Variants in CCDC89 observed in about 807,000 individuals in gnomAD.
The protein encoded by CCDC89 is coiled-coil domain containing 89.
A neutral mutation model predicts 29.3 loss-of-function variants in CCDC89; 28 were observed. That is an observed-to-expected ratio of 0.96 (90% CI 0.71 to 1.31). The LOEUF (loss-of-function observed/expected upper bound fraction) is 1.31. Ranked by LOEUF, CCDC89 falls within the 50% of genes most tolerant of loss-of-function variation. The probability of loss-of-function intolerance (pLI) is 0.00; values close to 1 mark genes in which losing one functional copy is unlikely to be tolerated. For synonymous variants in CCDC89, 191 were observed against 179.7 expected, an observed-to-expected ratio of 1.06 and a Z score of -0.51; for missense variants, 484 against 442.3, an observed-to-expected ratio of 1.09 and a Z score of -0.85.
chr11:85,685,255 C>A lies in CCDC89; in HGVS notation c.876G>T (p.Glu292Asp). ...RGKVLQNKQA[E>D]ICQLEEKLEI... ...CCAACTTTTCCTCAAGCTGGCAGAT[C>A]TCTGCCTGTTTGTTCTGAAGCACTT... is the stretch of plus-strand genomic sequence containing the variant. The change falls in exon 1 of 1, where the codon GAG becomes GAT. Residue 292 changes from glutamate to aspartate, a missense_variant. Glu to Asp is a conservative substitution (Grantham distance 45). Transcript: ENST00000316398. 1 of 1,612,228 alleles carries A rather than the reference C, an allele frequency of 6.2e-7. No individual in the cohort carries two copies. Among genetic ancestry groups the A allele is most frequent in the Non-Finnish European group, 8.5e-7 (1 of 1,180,038 alleles).
chr11:85,684,141 C>T lies in CCDC89; in HGVS notation c.*865G>A, dbSNP rs563290795. Reference sequence around the variant, plus strand: ...AAAATGCTGCAAGCATACATACACACGTTCAGCTTAGATTTTTTTAAAAAA... The same window carrying T: ...AAAATGCTGCAAGCATACATACACATGTTCAGCTTAGATTTTTTTAAAAAA... On this transcript the variant is annotated 3_prime_UTR_variant, in exon 1 of 1. Coordinates refer to ENST00000316398, the MANE Select transcript of CCDC89 (RefSeq NM_152723.3). 2.5e-4 allele frequency among the ~76,000 whole-genome samples: 38 copies of T among 152,116 alleles called. No individual in the cohort carries two copies. The South Asian group carries it at 6.6e-3, about 27-fold the overall frequency.
Position 85,684,793 on chromosome 11 carries a change from A to T in CCDC89, c.*213T>A, listed in dbSNP as rs779998212. The T allele has an allele frequency of 1.8e-6, 1 of 551,098 alleles. No individual in the cohort carries two copies. The highest frequency in any genetic ancestry group is 3.1e-6 in the Non-Finnish European group (1 of 326,950). 34.1% of individuals were successfully genotyped at this position (551,098 alleles called of 1,614,324 possible). ...TTAAGATTTCTAAGGCACAGAAGGAAATCTGGCAAATCTTGTGTATTCTAG... is the reference window on the plus strand; with the variant it reads ...TTAAGATTTCTAAGGCACAGAAGGATATCTGGCAAATCTTGTGTATTCTAG... On this transcript the variant is annotated 3_prime_UTR_variant, in exon 1 of 1. Coordinates refer to ENST00000316398, the MANE Select transcript of CCDC89 (RefSeq NM_152723.3).
rs763583957 is a variant in CCDC89 at position 85,685,974 on chromosome 11, G to T, written c.157C>A (p.Arg53=). ...DGLREALANL[R]GLSEEERSEK... ...CTCCTCTCCTCCTCTGACAGTCCCC[G>T]GAGGTTTGCCAAGGCTTCCCTCAGA... is the stretch of plus-strand genomic sequence containing the variant. Residue 53 remains arginine, a synonymous_variant, in exon 1 of 1, where the codon CGG becomes AGG. Coordinates refer to ENST00000316398, the MANE Select transcript of CCDC89 (RefSeq NM_152723.3). The T allele has an allele frequency of 1.4e-5, 22 of 1,614,030 alleles. No homozygotes were observed. The highest frequency in any genetic ancestry group is 1.7e-5 in the Non-Finnish European group (20 of 1,180,034).
Position 85,686,043 on chromosome 11 carries a change from G to C in CCDC89, c.88C>G (p.Leu30Val). The C allele has an allele frequency of 6.2e-7, 1 of 1,614,198 alleles. No individual in the cohort carries two copies. The highest frequency in any genetic ancestry group is 8.5e-7 in the Non-Finnish European group (1 of 1,180,048). ...EERLEKQNEK[L>V]NNQEEETEFK... ...TCCGTCTCCTCTTCCTGGTTGTTCA[G>C]TTTTTCATTTTGCTTCTCTAAGCGT... Residue 30 changes from leucine (L) to valine (V), a missense_variant, in exon 1 of 1, where the codon CTG becomes GTG. By Grantham distance (32) the Leu-to-Val change is conservative. Transcript: ENST00000316398.
rs1591496694 is a variant in CCDC89, at chr11:85,685,960, C to T, written c.171G>A (p.Glu57=). The change falls in exon 1 of 1, where the codon GAG becomes GAA. Residue 57 remains glutamate, a synonymous_variant. Coordinates refer to ENST00000316398, the MANE Select transcript of CCDC89 (RefSeq NM_152723.3). The stretch of plus-strand genomic sequence containing the variant: ...GCATAGCCTTCTCGCTCCTCTCCTC[C>T]TCTGACAGTCCCCGGAGGTTTGCCA... The part of the protein sequence containing the change: ...EALANLRGLS[E]EERSEKAMLR... 2 of 1,614,226 alleles carry T rather than the reference C, an allele frequency of 1.2e-6. No homozygotes were observed. The highest frequency in any genetic ancestry group is 2.2e-5 in the East Asian group (1 of 44,860).
rs140612207 is a variant in CCDC89, at chr11:85,685,897, G to T, written c.234C>A (p.Cys78Ter). The stretch of plus-strand genomic sequence containing the variant: ...CCTCATCTGACCTCCGCTTCAGGAT[G>T]CAGATGAGCTGGGACTGCTCTTCAA... ...SRIEEQSQLI[C>*]ILKRRSDEAL... Residue 78 changes from cysteine to a stop codon, truncating the protein, a stop_gained, in exon 1 of 1, where the codon TGC (cysteine) becomes TGA (stop). Transcript: ENST00000316398. LOFTEE classifies it high-confidence loss of function. 2.7e-4 allele frequency: 441 copies of T among 1,614,052 alleles called. No homozygotes were observed. Among genetic ancestry groups the T allele is most frequent in the Non-Finnish European group, 2.0e-4 (237 of 1,180,032 alleles).
rs182189698 is a variant in CCDC89, at chr11:85,685,840, G to A, written c.291C>T (p.Leu97=). 9 of 1,614,078 alleles carry A rather than the reference G, an allele frequency of 5.6e-6. No homozygotes were observed. The Admixed American group carries it at 1.2e-4, about 21-fold the overall frequency. ...ALERCQILEL[L]NAELEEKMMQ... ...TCATCTTCTCCTCCAGCTCTGCATTGAGCAGCTCTAGGATCTGGCAGCGCT... is the reference window on the plus strand; with the variant it reads ...TCATCTTCTCCTCCAGCTCTGCATTAAGCAGCTCTAGGATCTGGCAGCGCT... The change falls in exon 1 of 1, where the codon CTC becomes CTT. Residue 97 remains leucine, a synonymous_variant. Coordinates refer to ENST00000316398, the MANE Select transcript of CCDC89 (RefSeq NM_152723.3).
chr11:85,686,174 G>C lies in CCDC89; in HGVS notation c.-44C>G. Reference sequence around the variant, plus strand: ...AGTCTTTTCCCCTCAGATTTCAAACGCTGCAGGGTGTTGCTAGGGACTCTT... The same window carrying C: ...AGTCTTTTCCCCTCAGATTTCAAACCCTGCAGGGTGTTGCTAGGGACTCTT... On this transcript the variant is annotated 5_prime_UTR_variant, in exon 1 of 1. Transcript: ENST00000316398. 6.4e-7 allele frequency: 1 copy of C among 1,565,394 alleles called. No individual in the cohort carries two copies. The highest frequency in any genetic ancestry group is 8.6e-7 in the Non-Finnish European group (1 of 1,158,544).
Position 85,685,424 on chromosome 11 carries a change from A to C in CCDC89, c.707T>G (p.Leu236Arg). 1 of 1,612,492 alleles carries C rather than the reference A, an allele frequency of 6.2e-7. No individual in the cohort carries two copies. The highest frequency in any genetic ancestry group is 8.5e-7 in the Non-Finnish European group (1 of 1,179,978). The change falls in exon 1 of 1, where the codon CTC becomes CGC. Residue 236 changes from leucine (L) to arginine (R), a missense_variant. Coordinates refer to ENST00000316398, the MANE Select transcript of CCDC89 (RefSeq NM_152723.3). ...CACAGCCTGCTGGTGCTGCTGCTTG[A>C]GGGTCTGCAGCTGGCTGCGCAGCTG... ...TEQLRSQLQT[L>R]KQQHQQAVEQ...
Position 85,685,072 on chromosome 11 carries a change from C to T in CCDC89, c.1059G>A (p.Lys353=), listed in dbSNP as rs373311164. ...CCTTGCTTAAAAGATCCAAGCTGTGCTTTTTGAAGGCTTCAGACTGCAGCC... is the reference window on the plus strand; with the variant it reads ...CCTTGCTTAAAAGATCCAAGCTGTGTTTTTTGAAGGCTTCAGACTGCAGCC... ...ELRLQSEAFK[K]HSLDLLSKER... Residue 353 remains lysine, a synonymous_variant, in exon 1 of 1, where the codon AAG becomes AAA. Transcript: ENST00000316398. 3 of 1,614,066 alleles carry T rather than the reference C, an allele frequency of 1.9e-6. No individual in the cohort carries two copies. The highest frequency in any genetic ancestry group is 1.1e-5 in the South Asian group (1 of 91,092).
chr11:85,685,296 A>G lies in CCDC89; in HGVS notation c.835T>C (p.Ser279Pro), dbSNP rs1421322805. 1 of 1,608,478 alleles carries G rather than the reference A, an allele frequency of 6.2e-7. No individual in the cohort carries two copies. The highest frequency in any genetic ancestry group is 1.3e-5 in the African/African-American group (1 of 74,926). ...TREKEELLQL[S>P]IERGKVLQNK... The stretch of plus-strand genomic sequence containing the variant: ...TGAAGCACTTTGCCCCTTTCAATGG[A>G]CAGCTGCAGCAACTCCTCTTTCTCT... The change falls in exon 1 of 1, where the codon TCC becomes CCC. Residue 279 changes from serine to proline, a missense_variant. Ser to Pro is a moderately conservative substitution (Grantham distance 74). Coordinates refer to ENST00000316398, the MANE Select transcript of CCDC89 (RefSeq NM_152723.3).
chr11:85,684,821 G>T lies in CCDC89; in HGVS notation c.*185C>A, dbSNP rs1341635566. ...CTGGCAAATCTTGTGTATTCTAGGTGTAGAAATGAAAATTAATAATGGCTT... is the reference window on the plus strand; with the variant it reads ...CTGGCAAATCTTGTGTATTCTAGGTTTAGAAATGAAAATTAATAATGGCTT... On this transcript the variant is annotated 3_prime_UTR_variant, in exon 1 of 1. Coordinates refer to ENST00000316398, the MANE Select transcript of CCDC89 (RefSeq NM_152723.3). 1.5e-6 allele frequency: 1 copy of T among 668,932 alleles called. No individual in the cohort carries two copies. The highest frequency in any genetic ancestry group is 1.8e-5 in the African/African-American group (1 of 55,256). 41.4% of individuals were successfully genotyped at this position (668,932 alleles called of 1,614,324 possible). A position where few individuals can be genotyped will look rare whatever the true frequency, so the allele number is the denominator to read the frequency against.
Position 85,684,924 on chromosome 11 carries a change from G to T in CCDC89, c.*82C>A, listed in dbSNP as rs949521349. The T allele has an allele frequency of 7.2e-7, 1 of 1,397,136 alleles. No individual in the cohort carries two copies. The highest frequency in any genetic ancestry group is 9.7e-7 in the Non-Finnish European group (1 of 1,027,738). 86.5% of individuals were successfully genotyped at this position (1,397,136 alleles called of 1,614,324 possible). ...TTGTGCTTGAAAGTATAATAAATGG[G>T]ATATCATCTTTACTCTTGCCATAAT... is the stretch of plus-strand genomic sequence containing the variant. On this transcript the variant is annotated 3_prime_UTR_variant, in exon 1 of 1. Coordinates refer to ENST00000316398, the MANE Select transcript of CCDC89 (RefSeq NM_152723.3).
At position 85,685,129 on chromosome 11, in the gene CCDC89, T is replaced by C. The variant is rs770063501; in HGVS notation, c.1002A>G (p.Val334=). The change falls in exon 1 of 1, where the codon GTA becomes GTG. Residue 334 remains valine, a synonymous_variant. Coordinates refer to ENST00000316398, the MANE Select transcript of CCDC89 (RefSeq NM_152723.3). The part of the protein sequence containing the change: ...NLRVRELQRK[V]DGIQKAYDEL... ...CATCGTAGGCCTTCTGGATCCCATC[T>C]ACTTTGCGCTGAAGCTCCCTGACTC... 1.9e-6 allele frequency: 3 copies of C among 1,614,228 alleles called. No homozygotes were observed. Among genetic ancestry groups the C allele is most frequent in the Non-Finnish European group, 2.5e-6 (3 of 1,180,036 alleles).
rs776170030 is a variant in CCDC89 at position 85,685,836 on chromosome 11, C to A, written c.295G>T (p.Ala99Ser). The change falls in exon 1 of 1, where the codon GCA becomes TCA. Residue 99 changes from alanine to serine, a missense_variant. By Grantham distance (99) the Ala-to-Ser change is moderately conservative. Coordinates refer to ENST00000316398, the MANE Select transcript of CCDC89 (RefSeq NM_152723.3). ...TGCATCATCTTCTCCTCCAGCTCTGCATTGAGCAGCTCTAGGATCTGGCAG... is the reference window on the plus strand; with the variant it reads ...TGCATCATCTTCTCCTCCAGCTCTGAATTGAGCAGCTCTAGGATCTGGCAG... ...ERCQILELLN[A>S]ELEEKMMQEA... 3 of 1,614,198 alleles carry A rather than the reference C, an allele frequency of 1.9e-6. No individual in the cohort carries two copies. Among genetic ancestry groups the A allele is most frequent in the Non-Finnish European group, 2.5e-6 (3 of 1,180,048 alleles).
In CCDC89 at chr11:85,685,066, G is replaced by A; in HGVS notation, c.1065C>T (p.Ser355=). The change falls in exon 1 of 1, where the codon AGC becomes AGT. Residue 355 remains serine (S), a synonymous_variant. Coordinates refer to ENST00000316398, the MANE Select transcript of CCDC89 (RefSeq NM_152723.3). ...RLQSEAFKKH[S]LDLLSKEREL... Reference sequence around the variant, plus strand: ...CTCTCTCCTTGCTTAAAAGATCCAAGCTGTGCTTTTTGAAGGCTTCAGACT... The same window carrying A: ...CTCTCTCCTTGCTTAAAAGATCCAAACTGTGCTTTTTGAAGGCTTCAGACT... 6.2e-7 allele frequency: 1 copy of A among 1,614,212 alleles called. No individual in the cohort carries two copies. The highest frequency in any genetic ancestry group is 1.1e-5 in the South Asian group (1 of 91,088).
At position 85,684,797 on chromosome 11, in the gene CCDC89, T is replaced by C. The variant is rs1305475618; in HGVS notation, c.*209A>G. On this transcript the variant is annotated 3_prime_UTR_variant, in exon 1 of 1. Transcript: ENST00000316398. ...GATTTCTAAGGCACAGAAGGAAATC[T>C]GGCAAATCTTGTGTATTCTAGGTGT... The C allele has an allele frequency of 1.8e-6, 1 of 558,348 alleles. No individual in the cohort carries two copies. The highest frequency in any genetic ancestry group is 3.0e-6 in the Non-Finnish European group (1 of 332,940). The allele number at this position is 558,348 out of a possible 1,614,324, so 34.6% of individuals were successfully genotyped here. A position where few individuals can be genotyped will look rare whatever the true frequency, so the allele number is the denominator to read the frequency against.
At position 85,685,994 on chromosome 11, in the gene CCDC89, C is replaced by G. The variant is rs1361564793; in HGVS notation, c.137G>C (p.Arg46Thr). ...ETEFKELDGLREALANLRGLS... is the reference protein window; with the variant it reads ...ETEFKELDGLTEALANLRGLS... ...TCCCCGGAGGTTTGCCAAGGCTTCC[C>G]TCAGACCGTCCAGTTCCTTAAACTC... The change falls in exon 1 of 1, where the codon AGG becomes ACG. Residue 46 changes from arginine (R) to threonine (T), a missense_variant. Physicochemically the swap from Arg to Thr is moderately conservative, Grantham distance 71 (BLOSUM62 -1). Coordinates refer to ENST00000316398, the MANE Select transcript of CCDC89 (RefSeq NM_152723.3). The G allele has an allele frequency of 6.2e-7, 1 of 1,614,072 alleles. No individual in the cohort carries two copies. Among genetic ancestry groups the G allele is most frequent in the African/African-American group, 1.3e-5 (1 of 74,932 alleles).
Position 85,685,718 on chromosome 11 carries a change from C to G in CCDC89, c.413G>C (p.Arg138Pro). 1 of 1,614,086 alleles carries G rather than the reference C, an allele frequency of 6.2e-7. No individual in the cohort carries two copies. ...CTCACTCTTGTATTCATCCTTGAAG[C>G]GGAGCATCAACTCGTGGTTGGCTGC... The part of the protein sequence containing the change: ...TLAANHELML[R>P]FKDEYKSENI... The change falls in exon 1 of 1, where the codon CGC (arginine) becomes CCC (proline). Residue 138 changes from arginine to proline, a missense_variant. Arg to Pro is a moderately radical substitution (Grantham distance 103). Coordinates refer to ENST00000316398, the MANE Select transcript of CCDC89 (RefSeq NM_152723.3).
Sources: allele counts gnomAD v4.1 joint callset (sites outside exome capture counted in the v4.1 genomes callset), GRCh38; gene constraint gnomAD v4.1.1; transcripts MANE v1.5; gene names NCBI Gene and HGNC (gene_info 2026-07-23, HGNC 2026-07-21).